The following GNL3L variants were observed in gnomAD, a reference collection of about 807,000 sequenced individuals.
GNL3L encodes G protein nucleolar 3 like.
A neutral mutation model predicts 42.9 loss-of-function variants in GNL3L; 4 were observed. The ratio of observed to expected loss-of-function variants is 0.09; its 90% CI spans 0.05 to 0.21. The LOEUF (loss-of-function observed/expected upper bound fraction) is 0.21, where lower values mean the gene tolerates loss of function less well. GNL3L is among the 10% of genes least tolerant of loss of function. The pLI is 1.00. For synonymous variants in GNL3L, 159 were observed against 176.3 expected (o/e 0.90, Z 0.78); for missense variants, 412 against 481.7 (o/e 0.86, Z 1.36).
At chrX:54,623,200 C>T (rs5960321), downstream of GNL3L, among the ~76,000 whole-genome samples, 16,493 of 111,235 alleles carry the variant, frequency 0.15, 1,964 homozygotes, top group African/African-American at 0.41. Flanking sequence ...TATTAAGGGC[C>T]CCTTGCAATT....
At chrX:54,531,716 C>T (rs1924253936) in intron 1 of GNL3L, among the ~76,000 whole-genome samples, 1 of 111,353 alleles carries the variant, frequency 9.0e-6, no homozygotes, top group Non-Finnish European at 1.9e-5. Context: ...GATCCTGTAC[C>T]ACAGCCCTCT....
rs777310214 is a variant in GNL3L at position 54,616,332 on chromosome X, A to G, written c.*46-4513A>G. Among the ~76,000 whole-genome samples, 4 of 112,720 alleles carry G rather than the reference A, an allele frequency of 3.5e-5. No homozygotes were observed. The South Asian group carries it at 1.5e-3, about 41-fold the overall frequency. On this transcript the variant is annotated intron_variant, in intron 16 of 16. Coordinates refer to the GNL3L transcript ENST00000674498. Reference sequence around the variant, plus strand: ...TAATAAAAATTGCATACCTTTCTGGATGTTCAAAATAAGGAACATATTATA... The same window carrying G: ...TAATAAAAATTGCATACCTTTCTGGGTGTTCAAAATAAGGAACATATTATA...
At chrX:54,553,106 T>A (rs1207650742) in intron 13 of GNL3L, among the ~76,000 whole-genome samples, 2 of 112,670 alleles carry the variant, frequency 1.8e-5, no homozygotes, top group Non-Finnish European at 3.7e-5. Flanking sequence ...ATTTTTTTAA[T>A]AATGTAAAAG....
At chrX:54,613,463 C>T (rs1300986466) in intron 16 of GNL3L, among the ~76,000 whole-genome samples, 2 of 110,960 alleles carry the variant, frequency 1.8e-5, no homozygotes, top group African/African-American at 6.6e-5. Context: ...TGGTTTGGAT[C>T]CATTGCTGGT....
chrX:54,607,020 C>A (rs1926078489), intron 16 of GNL3L, among the ~76,000 whole-genome samples: 3 of 56,208 alleles, frequency 5.3e-5, no homozygotes, highest in Admixed American at 4.0e-4. Flanking sequence ...TTCTTTCTTT[C>A]TTTCTTTCTT....
intron 9 of GNL3L, among the ~76,000 whole-genome samples, chrX:54,549,609 G>C (rs1217381885): frequency 8.9e-6 from 1 of 112,582 alleles, no homozygotes; most frequent in Non-Finnish European, 1.9e-5. Context: ...CGAGGCAGGA[G>C]AATCGCTTAA....
rs1322985942 is a variant in GNL3L, at chrX:54,562,606, C to A, written c.*2004C>A. ...AATACAGCTCTGCTAGTAAGGGATT[C>A]GTCTCCCCAAATGAAAAAAAAAAGT... On this transcript the variant is annotated 3_prime_UTR_variant, in exon 16 of 16. Coordinates refer to ENST00000360845, the MANE Select transcript of GNL3L (RefSeq NM_001184819.2). 2.7e-5 allele frequency among the ~76,000 whole-genome samples: 3 copies of A among 110,269 alleles called. No individual in the cohort carries two copies. Among genetic ancestry groups the A allele is most frequent in the African/African-American group, 9.9e-5 (3 of 30,240 alleles).
intron 8 of GNL3L, among the ~76,000 whole-genome samples, chrX:54,547,786 G>A (rs896939136): frequency 2.3e-4 from 26 of 111,982 alleles, no homozygotes; most frequent in African/African-American, 8.1e-4. Flanking sequence ...GGATGGCTTT[G>A]TCCTGTGTGA....
intron 16 of GNL3L, among the ~76,000 whole-genome samples, chrX:54,606,995 C>CCTTTCCTTTCTTTCTTTCTCTTT (rs1926071483): frequency 3.6e-5 from 1 of 28,054 alleles, no homozygotes; most frequent in Non-Finnish European, 5.9e-5. Context: ...CCTTTCCTTT[C>CCTTTCCTTTCTTTCTTTCTCTTT]CTTTCTTTCT....
downstream of GNL3L, among the ~76,000 whole-genome samples, chrX:54,570,268 G>T (rs756319908): frequency 8.9e-6 from 1 of 111,787 alleles, no homozygotes; most frequent in African/African-American, 3.2e-5. Context: ...GGATTGTCAT[G>T]TCCTCTTAGT....
At chrX:54,558,766 C>T (rs1925175544) in intron 15 of GNL3L, 111 bp downstream of exon 15, 2 of 515,637 alleles carry the variant, frequency 3.9e-6, no homozygotes, top group East Asian at 7.3e-5. Flanking sequence ...AAGCGATTCT[C>T]CTGCCTCAGC....
At chrX:54,581,437 G>T (rs1174735589) in intron 16 of GNL3L, among the ~76,000 whole-genome samples, 3 of 111,051 alleles carry the variant, frequency 2.7e-5, no homozygotes, top group Non-Finnish European at 1.9e-5. Context: ...GGGTCTTGCT[G>T]TTGCTTAGAC....
chrX:54,603,638 T>G (rs1457834865), intron 16 of GNL3L, among the ~76,000 whole-genome samples: 1 of 111,640 alleles, frequency 9.0e-6, no homozygotes, highest in Non-Finnish European at 1.9e-5. Context: ...TTCATAGTAT[T>G]CCTGCCAAAC....
intron 8 of GNL3L, among the ~76,000 whole-genome samples, chrX:54,545,406 A>G (rs1417417195): frequency 9.6e-6 from 1 of 104,081 alleles, no homozygotes; most frequent in African/African-American, 3.5e-5. Context: ...GGGTTTCACC[A>G]TGTTGGCCAG....
chrX:54,573,980 T>C (rs1412396766), intron 16 of GNL3L, among the ~76,000 whole-genome samples: 2 of 111,309 alleles, frequency 1.8e-5, no homozygotes, highest in Non-Finnish European at 3.8e-5. Flanking sequence ...TTTGATGCAG[T>C]TAAGTTATTC....
chrX:54,630,774 CTCTT>C, the GNL3L span, among the ~76,000 whole-genome samples: 246 of 89,743 alleles, frequency 2.7e-3, no homozygotes, highest in East Asian at 6.9e-3. Context: ...TTCTTTCTTT[CTCTT>C]TCTTTCTTTC....
chrX:54,640,302 A>G, the GNL3L span, among the ~76,000 whole-genome samples: 135 of 111,543 alleles, frequency 1.2e-3, no homozygotes, highest in Non-Finnish European at 2.0e-3. Context: ...AGAGATACCC[A>G]TACATGACAT....
intron 16 of GNL3L, among the ~76,000 whole-genome samples, chrX:54,604,773 T>C (rs756582162): frequency 8.9e-6 from 1 of 112,458 alleles, no homozygotes; most frequent in East Asian, 2.8e-4. Context: ...ACCAGCTATG[T>C]GACTCTGCGA....
downstream of GNL3L, among the ~76,000 whole-genome samples, chrX:54,570,039 GTAGTCTTCTAT>G (rs947257913): frequency 1.3e-4 from 14 of 111,711 alleles, no homozygotes; most frequent in Admixed American, 1.2e-3. Flanking sequence ...CTGTTGTTGA[GTAGTCTTCTAT>G]AAATGTCAAC....
Sources: gnomAD v4.1 joint callset for allele counts (sites outside exome capture counted in the v4.1 genomes callset) on GRCh38, gnomAD v4.1.1 for gene constraint, MANE v1.5 for transcripts, NCBI Gene and HGNC (gene_info 2026-07-23, HGNC 2026-07-21) for gene names.